BAG1: variants seen among roughly 807,000 people sequenced by gnomAD.
BAG1 encodes the protein BAG cochaperone 1.
A neutral mutation model predicts 35.5 loss-of-function variants in BAG1; 35 were observed. The observed-to-expected ratio is 0.99, with a 90% confidence interval of 0.75 to 1.31. The LOEUF (loss-of-function observed/expected upper bound fraction) is 1.31, where lower values mean the gene tolerates loss of function less well. BAG1 is among the 50% of genes most tolerant of loss of function. The probability of loss-of-function intolerance (pLI) is 0.00; values close to 1 mark genes in which losing one functional copy is unlikely to be tolerated. For synonymous variants in BAG1, 191 were observed against 178.9 expected, an observed-to-expected ratio of 1.07 and a Z score of -0.54; for missense variants, 464 against 453.6, an observed-to-expected ratio of 1.02 and a Z score of -0.21.
chr9:33,262,592 G>T, intron 2 of BAG1, 110 bp downstream of exon 2: 4 of 1,154,986 alleles, frequency 3.5e-6, no homozygotes. Flanking sequence ...GGGAGGCGGA[G>T]GTTGCAGTGA....
At chr9:33,256,939 TTC>T (rs896820477) in intron 4 of BAG1, 31 bp from the exon 5 acceptor site, 1 of 1,553,068 alleles carries the variant, frequency 6.4e-7, no homozygotes, top group African/African-American at 1.4e-5. Context: ...ATTGCAAGGG[TTC>T]TCTGAGGCTG....
chr9:33,254,961 T>C lies in BAG1; in HGVS notation c.*258A>G, dbSNP rs567406892. 222 of 1,371,950 alleles carry C rather than the reference T, an allele frequency of 1.6e-4. 6 individuals are homozygous for C. The South Asian group carries it at 2.9e-3, about 18-fold the overall frequency. 85.0% of individuals were successfully genotyped at this position (1,371,950 alleles called of 1,614,324 possible). A position where few individuals can be genotyped will look rare whatever the true frequency, so the allele number is the denominator to read the frequency against. On this transcript the variant is annotated 3_prime_UTR_variant, in exon 7 of 7. Transcript: ENST00000634734. ...AGAGGTCCAAACAGCTGGGAAAATT[T>C]GGGCAGAGGTGGCCCTCTCCAGAAA...
rs561111864 is a variant in BAG1 at position 33,258,241 on chromosome 9, A to C, written c.777+679T>G. The C allele has an allele frequency of 4.4e-5, 6 of 135,608 alleles. No homozygotes were observed. The East Asian group carries it at 1.5e-3, about 34-fold the overall frequency. The allele number at this position is 135,608 out of a possible 1,614,324, so 8.4% of individuals were successfully genotyped here. A position where few individuals can be genotyped will look rare whatever the true frequency, so the allele number is the denominator to read the frequency against. On this transcript the variant is annotated intron_variant, in intron 4 of 6. Coordinates refer to ENST00000634734, the MANE Select transcript of BAG1 (RefSeq NM_004323.6). ...AACCTGGCAGGCAGAGGCTACAGGG[A>C]GCCACTGAGATTGCACCACTGCACT...
At chr9:33,257,344 T>C (rs1356681560) in intron 4 of BAG1, 1 of 158,892 alleles carries the variant, frequency 6.3e-6, no homozygotes, top group Non-Finnish European at 1.4e-5. Flanking sequence ...ACACCCTAGA[T>C]GGTTACTGTG....
rs778754721 is a variant in BAG1 at position 33,255,264 on chromosome 9, C to T, written c.993G>A (p.Gln331=). The change falls in exon 7 of 7, where the codon CAG becomes CAA. Residue 331 remains glutamine, a synonymous_variant. Coordinates refer to ENST00000634734, the MANE Select transcript of BAG1 (RefSeq NM_004323.6). The stretch of plus-strand genomic sequence containing the variant: ...TTGTAGACTGCAGCCGCTCAGTCTC[C>T]TGGCAGATGTTCTGCTCCACTGTGT... 3.1e-6 allele frequency: 5 copies of T among 1,614,138 alleles called. No homozygotes were observed. The East Asian group carries it at 6.7e-5, about 22-fold the overall frequency.
At chr9:33,256,670 C>A in intron 5 of BAG1, 131 bp downstream of exon 5, 1 of 734,240 alleles carries the variant, frequency 1.4e-6, no homozygotes, top group Middle Eastern at 3.3e-4. Flanking sequence ...GACTGGCACA[C>A]AATAGTAGAT....
chr9:33,254,828 G>T lies in BAG1; in HGVS notation c.*391C>A. The T allele has an allele frequency of 2.7e-6, 1 of 373,366 alleles. No individual in the cohort carries two copies. The allele number at this position is 373,366 out of a possible 1,614,324, so 23.1% of individuals were successfully genotyped here. ...TGGTTTTACAGCTATGGGACTACAC[G>T]ATCACAAGAGCAAAGAAGCCCTCAT... On this transcript the variant is annotated 3_prime_UTR_variant, in exon 7 of 7. Transcript: ENST00000634734.
At chr9:33,256,932 G>C (rs1820466779) in intron 4 of BAG1, 24 bp from the exon 5 acceptor site, 1 of 1,574,550 alleles carries the variant, frequency 6.4e-7, no homozygotes, top group African/African-American at 1.3e-5. Flanking sequence ...ATGCATTATT[G>C]CAAGGGTTCT....
intron 6 of BAG1, 116 bp from the exon 7 acceptor site, chr9:33,255,424 G>A (rs1820432424): frequency 7.3e-6 from 11 of 1,511,684 alleles, no homozygotes; most frequent in Non-Finnish European, 9.9e-6. Flanking sequence ...AAAACAGATT[G>A]TGCATGAATG....
rs935860507 is a variant in BAG1 at position 33,252,698 on chromosome 9, A to G, written c.*2521T>C. 1 of 152,132 alleles carries G rather than the reference A, an allele frequency of 6.6e-6. No individual in the cohort carries two copies. The highest frequency in any genetic ancestry group is 1.5e-5 in the Non-Finnish European group (1 of 68,040). 9.4% of individuals were successfully genotyped at this position (152,132 alleles called of 1,614,324 possible). A position where few individuals can be genotyped will look rare whatever the true frequency, so the allele number is the denominator to read the frequency against. On this transcript the variant is annotated 3_prime_UTR_variant, in exon 7 of 7. Coordinates refer to ENST00000634734, the MANE Select transcript of BAG1 (RefSeq NM_004323.6). ...AGATTAACCAAATAATCCCACAAGT[A>G]AACTATCATGGACTATGTAAATGCT...
chr9:33,261,998 C>G lies in BAG1; in HGVS notation c.580+704G>C, dbSNP rs76646375. 2,361 of 1,185,828 alleles carry G rather than the reference C, an allele frequency of 2.0e-3. 47 individuals carry two copies. The African/African-American group carries it at 0.033, about 16-fold the overall frequency. 73.5% of individuals were successfully genotyped at this position (1,185,828 alleles called of 1,614,324 possible). ...GAGGCTGTTATTTTAACAGAGAAAT[C>G]AGATGTTAAGCAACTAAGAAAATGA... On this transcript the variant is annotated intron_variant, in intron 2 of 6. Coordinates refer to ENST00000634734, the MANE Select transcript of BAG1 (RefSeq NM_004323.6).
At chr9:33,258,813 G>A (rs746606097) in intron 4 of BAG1, 107 bp downstream of exon 4, 2 of 846,224 alleles carry the variant, frequency 2.4e-6, no homozygotes, top group Non-Finnish European at 1.9e-6. Flanking sequence ...GTGAATCCAG[G>A]ATCTGAACCC....
In BAG1 at chr9:33,254,144, A is replaced by AT. The variant is rs528204349; in HGVS notation, c.*1074dup. 0.17 allele frequency: 21,868 copies of AT among 132,244 alleles called. 1,910 individuals carry two copies. The highest frequency in any genetic ancestry group is 0.22 in the Middle Eastern group (54 of 250). 8.2% of individuals were successfully genotyped at this position (132,244 alleles called of 1,614,324 possible). On this transcript the variant is annotated 3_prime_UTR_variant, in exon 7 of 7. Coordinates refer to ENST00000634734, the MANE Select transcript of BAG1 (RefSeq NM_004323.6). ...AGGCACATGCCACTACGCCAAGCTA[A>AT]TTTTTTTTTTTTTTTTTTTTAAAGC...
Position 33,264,497 on chromosome 9 carries a change from T to A in BAG1, c.178A>T (p.Thr60Ser), listed in dbSNP as rs1276632753. 6.2e-7 allele frequency: 1 copy of A among 1,608,622 alleles called. No individual in the cohort carries two copies. The highest frequency in any genetic ancestry group is 8.5e-7 in the Non-Finnish European group (1 of 1,178,614). ...CGAGCGCCGGCGGCGGCGCCCCTGG[T>A]GGGTCGGTCATGCCCGCTGGCAGTA... Residue 60 changes from threonine (T) to serine (S), a missense_variant, in exon 1 of 7, where the codon ACC becomes TCC. Coordinates refer to ENST00000634734, the MANE Select transcript of BAG1 (RefSeq NM_004323.6).
At chr9:33,262,337 G>A (rs1012176861) in intron 2 of BAG1, 16 of 1,205,058 alleles carry the variant, frequency 1.3e-5, no homozygotes, top group Admixed American at 9.5e-5. Context: ...ACTGTCCTTT[G>A]GCCATAAGGA....
At position 33,264,306 on chromosome 9, in the gene BAG1, G is replaced by T. The variant is rs1459764506; in HGVS notation, c.369C>A (p.Thr123=). The change falls in exon 1 of 7, where the codon ACC becomes ACA. Residue 123 remains threonine (T), a synonymous_variant. Transcript: ENST00000634734. The stretch of plus-strand genomic sequence containing the variant: ...CGCTCCGGGTCGACTCCTCGTCCCG[G>T]GTCACCTCCTGGCTCCGATTCATCT... 1.2e-6 allele frequency: 2 copies of T among 1,613,496 alleles called. No homozygotes were observed. Among genetic ancestry groups the T allele is most frequent in the South Asian group, 2.2e-5 (2 of 91,016 alleles).
At chr9:33,256,508 C>T (rs1022204375) in intron 5 of BAG1, among the ~76,000 whole-genome samples, 6 of 152,210 alleles carry the variant, frequency 3.9e-5, no homozygotes, top group African/African-American at 1.2e-4. Flanking sequence ...ACCATGAGAT[C>T]GTGGACTCCT....
intron 4 of BAG1, chr9:33,257,876 T>A (rs1159887503): frequency 6.6e-6 from 1 of 152,218 alleles, no homozygotes; most frequent in African/African-American, 2.4e-5. Flanking sequence ...AAAATATATT[T>A]CAGGCTTTGG....
At chr9:33,258,353 T>C (rs1186531420) in intron 4 of BAG1, among the ~76,000 whole-genome samples, 2 of 140,684 alleles carry the variant, frequency 1.4e-5, no homozygotes, top group African/African-American at 5.3e-5. Context: ...CAATTAATGC[T>C]ATAAAATGAG....
Sources: gnomAD v4.1 joint callset for allele counts (sites outside exome capture counted in the v4.1 genomes callset) on GRCh38, gnomAD v4.1.1 for gene constraint, MANE v1.5 for transcripts, NCBI Gene and HGNC (gene_info 2026-07-23, HGNC 2026-07-21) for gene names.